The following CTBP2 variants were observed in gnomAD, a reference collection of about 807,000 sequenced individuals.
CTBP2 encodes C-terminal-binding protein 2.
Under a neutral mutation model 80.3 loss-of-function variants are expected in CTBP2, and 30 were observed. That is an observed-to-expected ratio of 0.37 (90% CI 0.28 to 0.51). CTBP2 has a LOEUF of 0.51. CTBP2 is among the 20% of genes least tolerant of loss of function. The pLI is 0.93. For synonymous variants in CTBP2, 594 were observed against 587.4 expected (o/e 1.01, Z -0.16); for missense variants, 1,212 against 1,375.3 (o/e 0.88, Z 1.88).
chr10:125,123,575 G>C (rs1854703427), intron 1 of CTBP2, among the ~76,000 whole-genome samples: 1 of 152,206 alleles, frequency 6.6e-6, no homozygotes, highest in Non-Finnish European at 1.5e-5. Flanking sequence ...ACTAAGTAGG[G>C]CAATTCCTTT....
At chr10:125,061,007 C>CAGGGG (rs1964870873) in intron 2 of CTBP2, among the ~76,000 whole-genome samples, 1 of 152,180 alleles carries the variant, frequency 6.6e-6, no homozygotes, top group Admixed American at 6.5e-5. Flanking sequence ...TAGCCAGCCC[C>CAGGGG]TGCTAGATCC....
At chr10:125,161,425 G>T (rs920648106), upstream of CTBP2, among the ~76,000 whole-genome samples, 1 of 151,994 alleles carries the variant, frequency 6.6e-6, no homozygotes, top group African/African-American at 2.4e-5. Context: ...CGAGCCCCGG[G>T]TGGCCCCGGT....
rs773115590 is a variant in CTBP2 at position 124,992,736 on chromosome 10, G to A, written c.2736C>T (p.Asp912=). The A allele has an allele frequency of 2.5e-6, 4 of 1,608,976 alleles. No homozygotes were observed. The East Asian group carries it at 8.9e-5, about 36-fold the overall frequency. Residue 912 remains aspartate (D), a synonymous_variant, in exon 8 of 9, where the codon GAC becomes GAT. Coordinates refer to ENST00000309035, the MANE Select transcript of CTBP2 (RefSeq NM_022802.3). The stretch of plus-strand genomic sequence containing the variant: ...TGAGCTCAGGATGAATTGCTTGCTG[G>A]TCTATTACTGACCAAGGCGCTGATG...
rs1952080145 is a variant in CTBP2 at position 124,987,386 on chromosome 10, GT to G, written c.*2131del. 6.6e-6 allele frequency: 1 copy of G among 151,248 alleles called. No homozygotes were observed. Among genetic ancestry groups the G allele is most frequent in the African/African-American group, 2.4e-5 (1 of 41,100 alleles). 9.4% of individuals were successfully genotyped at this position (151,248 alleles called of 1,614,324 possible). A position where few individuals can be genotyped will look rare whatever the true frequency, so the allele number is the denominator to read the frequency against. Reference sequence around the variant, plus strand: ...TTTATATATATATATATAAATTTTTGTTTGGGCGACCAAGATCTAATAATTA... The same window carrying G: ...TTTATATATATATATATAAATTTTTGTTGGGCGACCAAGATCTAATAATTA... On this transcript the variant is annotated 3_prime_UTR_variant, in exon 9 of 9. Coordinates refer to ENST00000309035, the MANE Select transcript of CTBP2 (RefSeq NM_022802.3).
rs189943672 is a variant in CTBP2 at position 125,066,811 on chromosome 10, G to A, written c.-101-27656C>T. On this transcript the variant is annotated intron_variant, in intron 2 of 10. Coordinates refer to the CTBP2 transcript ENST00000337195. The surrounding 1 kb of genome is among the most constrained non-coding windows in gnomAD (Gnocchi z 4.1). ...CAAAAAAGGAACTAGCCCATGTGTCGATCAGTAAATGCCTCAGGGTGAACT... is the reference window on the plus strand; with the variant it reads ...CAAAAAAGGAACTAGCCCATGTGTCAATCAGTAAATGCCTCAGGGTGAACT... 6.6e-6 allele frequency among the ~76,000 whole-genome samples: 1 copy of A among 152,122 alleles called. No homozygotes were observed. The highest frequency in any genetic ancestry group is 1.5e-5 in the Non-Finnish European group (1 of 68,022).
intron 2 of CTBP2, among the ~76,000 whole-genome samples, chr10:125,082,457 T>C (rs1590636728): frequency 6.6e-6 from 1 of 152,196 alleles, no homozygotes; most frequent in South Asian, 2.1e-4. Context: ...AAATCAATTA[T>C]TAATAAGATT....
chr10:124,996,839 CTG>C (rs1194614311), intron 4 of CTBP2: 1 of 152,230 alleles, frequency 6.6e-6, no homozygotes, highest in Non-Finnish European at 1.5e-5. Context: ...CACACCACAT[CTG>C]TTTTCCAACA....
Position 125,017,904 on chromosome 10 carries a change from C to T in CTBP2, c.1678+8178G>A, listed in dbSNP as rs578064852. Among the ~76,000 whole-genome samples, 4 of 152,316 alleles carry T rather than the reference C, an allele frequency of 2.6e-5. No individual in the cohort carries two copies. The South Asian group carries it at 8.3e-4, about 32-fold the overall frequency. On this transcript the variant is annotated intron_variant, in intron 1 of 8. Coordinates refer to ENST00000309035, the MANE Select transcript of CTBP2 (RefSeq NM_022802.3). The stretch of plus-strand genomic sequence containing the variant: ...GGTGGGCACCATCACCCCAGTGTTA[C>T]CCATGGGAAGCGAGCCTCAGAGCCC...
intron 1 of CTBP2, among the ~76,000 whole-genome samples, chr10:125,009,062 C>T (rs1292900865): frequency 6.6e-5 from 10 of 152,194 alleles, no homozygotes; most frequent in Non-Finnish European, 1.5e-4. Flanking sequence ...TTCCAGCCAA[C>T]GGAAACTGGA....
intron 2 of CTBP2, 86 bp downstream of exon 2, chr10:125,110,904 C>G (rs1396431051): frequency 1.3e-5 from 2 of 152,320 alleles, no homozygotes; most frequent in African/African-American, 2.4e-5. Context: ...GCAGGCAATC[C>G]ATACTCATCA....
chr10:125,143,900 T>C (rs1454380389), intron 1 of CTBP2, among the ~76,000 whole-genome samples: 1 of 152,164 alleles, frequency 6.6e-6, no homozygotes, highest in Non-Finnish European at 1.5e-5. Context: ...ACAAGCTCCT[T>C]GCACAGAGGC....
chr10:125,072,954 G>A (rs1845734367), intron 2 of CTBP2, among the ~76,000 whole-genome samples: 1 of 152,204 alleles, frequency 6.6e-6, no homozygotes, highest in African/African-American at 2.4e-5. Context: ...CATCATTTAA[G>A]TCATTACTAA....
rs79522904 is a variant in CTBP2 at position 125,041,512 on chromosome 10, C to G, written c.-101-2357G>C. Among the ~76,000 whole-genome samples the G allele has an allele frequency of 1.8e-4, 21 of 115,712 alleles. No homozygotes were observed. In the South Asian group the frequency reaches 5.9e-3, roughly 33 times the overall value. 75.9% of individuals were successfully genotyped at this position (115,712 alleles called of 152,430 possible). A position where few individuals can be genotyped will look rare whatever the true frequency, so the allele number is the denominator to read the frequency against. On this transcript the variant is annotated intron_variant, in intron 2 of 10. Coordinates refer to the CTBP2 transcript ENST00000337195. ...AGCTTTTGTCCATCCCCACCCCCCC[C>G]CCCCCCACCCACAAGTGACTCTAGG...
chr10:125,043,183 G>T (rs1434421660), intron 2 of CTBP2, among the ~76,000 whole-genome samples: 1 of 152,164 alleles, frequency 6.6e-6, no homozygotes, highest in Non-Finnish European at 1.5e-5. Context: ...GAACAAAAAG[G>T]AAAAACGGCA....
chr10:125,005,581 G>A, intron 1 of CTBP2: 2 of 1,612,440 alleles, frequency 1.2e-6, no homozygotes, highest in Non-Finnish European at 1.7e-6. Context: ...CAGGAAGCGT[G>A]CAGCACAAAG....
intron 1 of CTBP2, among the ~76,000 whole-genome samples, chr10:125,019,464 C>T (rs1014224054): frequency 6.6e-5 from 10 of 151,684 alleles, no homozygotes; most frequent in African/African-American, 2.4e-4. Flanking sequence ...TATATGTTGG[C>T]TTTCTCACTT....
intron 1 of CTBP2, among the ~76,000 whole-genome samples, chr10:125,152,073 G>A (rs1174325631): frequency 6.6e-6 from 1 of 151,660 alleles, no homozygotes; most frequent in Admixed American, 6.6e-5. Context: ...GGGCCGCCAA[G>A]TGCCCTGCGG....
chr10:125,113,171 T>C (rs568947462), intron 1 of CTBP2, among the ~76,000 whole-genome samples: 102 of 152,188 alleles, frequency 6.7e-4, no homozygotes, highest in Non-Finnish European at 1.4e-3. Flanking sequence ...TCAGAAGTGT[T>C]AGGAAGGGAG....
chr10:125,137,531 C>T (rs1857154666), intron 1 of CTBP2, among the ~76,000 whole-genome samples: 1 of 152,180 alleles, frequency 6.6e-6, no homozygotes, highest in Non-Finnish European at 1.5e-5. Context: ...AAACAAAAAG[C>T]CTCTCCAAGA....
Sources: gnomAD v4.1 joint callset for allele counts (sites outside exome capture counted in the v4.1 genomes callset) on GRCh38, gnomAD v4.1.1 for gene constraint, Gnocchi (gnomAD v3.1) non-coding constraint, MANE v1.5 for transcripts, NCBI Gene and HGNC (gene_info 2026-07-23, HGNC 2026-07-21) for gene names.